PRKCQ: variants seen among roughly 807,000 people sequenced by gnomAD.
PRKCQ encodes the protein protein kinase C theta, also known as protein kinase C theta type.
Under a neutral mutation model 91.2 loss-of-function variants are expected in PRKCQ, and 41 were observed. That is an observed-to-expected ratio of 0.45 (90% confidence interval 0.35 to 0.58). PRKCQ has a LOEUF of 0.58. Ranked by LOEUF, PRKCQ falls within the 20% of genes least tolerant of loss-of-function variation. The pLI, the probability that PRKCQ is intolerant of heterozygous loss-of-function variation, is 0.00. For synonymous variants in PRKCQ, 307 were observed against 316.9 expected (o/e 0.97, Z 0.33); for missense variants, 673 against 896.5 (o/e 0.75, Z 3.18).
At chr10:6,510,928 G>A in intron 3 of PRKCQ, 67 bp downstream of exon 3, 1 of 1,582,820 alleles carries the variant, frequency 6.3e-7, no homozygotes, top group Non-Finnish European at 8.7e-7. Context: ...TGACATGGGA[G>A]TTCTGAGCCA....
intron 4 of PRKCQ, among the ~76,000 whole-genome samples, chr10:6,505,236 T>C (rs912405882): frequency 2.0e-5 from 3 of 152,184 alleles, no homozygotes; most frequent in African/African-American, 4.8e-5. Flanking sequence ...GTCATTATTG[T>C]TTACGGAATA....
At chr10:6,520,244 AT>A (rs1352805906) in intron 1 of PRKCQ, among the ~76,000 whole-genome samples, 1 of 152,018 alleles carries the variant, frequency 6.6e-6, no homozygotes, top group African/African-American at 2.4e-5. Context: ...CTTTTCCTTC[AT>A]TTTGCCAGCT....
Position 6,511,121 on chromosome 10 carries a change from G to T in PRKCQ, c.192C>A (p.Ile64=), listed in dbSNP as rs1452417661. The part of the protein sequence containing the change: ...PPWDSTFDAH[I]NKGRVMQIIV... ...TGATCTGCATGACTCTTCCCTTGTT[G>T]ATATGGGCATCAAAAGTGCTGTCCC... Residue 64 remains isoleucine, a synonymous_variant, in exon 3 of 18, where the codon ATC becomes ATA. Coordinates refer to ENST00000263125, the MANE Select transcript of PRKCQ (RefSeq NM_006257.5). The T allele has an allele frequency of 6.2e-7, 1 of 1,614,070 alleles. No homozygotes were observed. The highest frequency in any genetic ancestry group is 1.7e-5 in the Admixed American group (1 of 60,008).
chr10:6,573,168 A>G (rs1448562485), intron 1 of PRKCQ, among the ~76,000 whole-genome samples: 4 of 152,200 alleles, frequency 2.6e-5, no homozygotes, highest in African/African-American at 9.7e-5. Flanking sequence ...CACCCCCAAA[A>G]TTAATGTCAT....
At chr10:6,458,576 T>C (rs1378577112) in intron 14 of PRKCQ, among the ~76,000 whole-genome samples, 1 of 152,106 alleles carries the variant, frequency 6.6e-6, no homozygotes, top group Non-Finnish European at 1.5e-5. Context: ...GAGGCAAAGC[T>C]TTTCTATTTG....
At position 6,430,684 on chromosome 10, in the gene PRKCQ, G is replaced by A. The variant is rs1326900995; in HGVS notation, c.1965+126C>T. On this transcript the variant is annotated intron_variant, in intron 17 of 17. Transcript: ENST00000263125. The surrounding 1 kb of genome is among the most constrained non-coding windows in gnomAD (Gnocchi z 4.7). ...GTGTTAGAGACGTGCATTCCTCCTG[G>A]AGAGTGGGGCTGGTGGGGAGTTGGG... is the stretch of plus-strand genomic sequence containing the variant. The A allele has an allele frequency of 6.6e-6, 9 of 1,369,178 alleles. No homozygotes were observed. Among genetic ancestry groups the A allele is most frequent in the Non-Finnish European group, 9.0e-6 (9 of 998,134 alleles). 84.8% of individuals were successfully genotyped at this position (1,369,178 alleles called of 1,614,324 possible).
chr10:6,472,762 G>T (rs1836058718), intron 12 of PRKCQ, among the ~76,000 whole-genome samples: 1 of 152,048 alleles, frequency 6.6e-6, no homozygotes, highest in African/African-American at 2.4e-5. Flanking sequence ...GCCCATGCTG[G>T]AGTGCAGTGG....
chr10:6,462,233 TGCAATGATTAAATTA>T, intron 14 of PRKCQ, 55 bp downstream of exon 14: 1 of 1,407,122 alleles, frequency 7.1e-7, no homozygotes, highest in Non-Finnish European at 1.0e-6. Flanking sequence ...CAGCACTCGG[TGCAATGATTAAATTA>T]ACTGAGCCAG....
At chr10:6,559,521 G>A (rs1840543111) in intron 1 of PRKCQ, among the ~76,000 whole-genome samples, 1 of 152,120 alleles carries the variant, frequency 6.6e-6, no homozygotes, top group African/African-American at 2.4e-5. Context: ...ACCACACCCA[G>A]CTAATTTTTA....
At chr10:6,426,146 GC>G (rs1386288619), downstream of PRKCQ, among the ~76,000 whole-genome samples, 1 of 152,180 alleles carries the variant, frequency 6.6e-6, no homozygotes, top group Non-Finnish European at 1.5e-5. Context: ...ACCAGAAAGC[GC>G]TCTAGTGAGG....
intron 1 of PRKCQ, among the ~76,000 whole-genome samples, chr10:6,544,655 C>G (rs1027261518): frequency 6.9e-6 from 1 of 145,270 alleles, no homozygotes; most frequent in Non-Finnish European, 1.5e-5. Flanking sequence ...GAGTCTCTTT[C>G]TATCGCATAG....
At chr10:6,564,069 G>A (rs1414281715) in intron 1 of PRKCQ, among the ~76,000 whole-genome samples, 5 of 152,180 alleles carry the variant, frequency 3.3e-5, no homozygotes, top group African/African-American at 7.2e-5. Flanking sequence ...GGGGAGCTAC[G>A]AGGTGCTCAA....
In PRKCQ at chr10:6,550,974, T is replaced by A. The variant is rs183687867; in HGVS notation, c.-10+29237A>T. ...GATTATAATTTGTATTTGCTAATGGTAAGTAATGTTGAGCATCTTCTCTTT... is the reference window on the plus strand; with the variant it reads ...GATTATAATTTGTATTTGCTAATGGAAAGTAATGTTGAGCATCTTCTCTTT... On this transcript the variant is annotated intron_variant, in intron 1 of 17. Coordinates refer to ENST00000263125, the MANE Select transcript of PRKCQ (RefSeq NM_006257.5). Among the ~76,000 whole-genome samples, 8 of 152,354 alleles carry A rather than the reference T, an allele frequency of 5.3e-5. No individual in the cohort carries two copies. In the East Asian group the frequency reaches 1.5e-3, roughly 29 times the overall value.
intron 10 of PRKCQ, 56 bp from the exon 11 acceptor site, chr10:6,483,656 G>C: frequency 6.3e-7 from 1 of 1,582,038 alleles, no homozygotes; most frequent in Non-Finnish European, 8.6e-7. Context: ...GGTCATTCTA[G>C]TTACTGAGAG....
intron 1 of PRKCQ, among the ~76,000 whole-genome samples, chr10:6,545,083 C>T (rs575276432): frequency 2.4e-4 from 37 of 151,904 alleles, no homozygotes; most frequent in Middle Eastern, 3.4e-3. Flanking sequence ...TAATCTCTAA[C>T]TTGCTAAATA....
At chr10:6,426,217 T>A (rs1833117830), downstream of PRKCQ, among the ~76,000 whole-genome samples, 1 of 152,140 alleles carries the variant, frequency 6.6e-6, no homozygotes, top group Non-Finnish European at 1.5e-5. Flanking sequence ...TTAGATAGCG[T>A]CTTCACCGAC....
intron 11 of PRKCQ, 96 bp from the exon 12 acceptor site, chr10:6,479,261 GA>G: frequency 7.1e-7 from 1 of 1,417,728 alleles, no homozygotes; most frequent in South Asian, 1.3e-5. Context: ...TGTTGGGTGG[GA>G]AAAGGGGTTC....
chr10:6,563,767 G>GCTCTCT (rs1308398601), intron 1 of PRKCQ, among the ~76,000 whole-genome samples: 1 of 152,174 alleles, frequency 6.6e-6, no homozygotes, highest in Non-Finnish European at 1.5e-5. Flanking sequence ...TGCTATGTGT[G>GCTCTCT]GGACTCTCTG....
the PRKCQ span, among the ~76,000 whole-genome samples, chr10:6,416,175 G>A: frequency 6.6e-6 from 1 of 152,146 alleles, no homozygotes; most frequent in Non-Finnish European, 1.5e-5. Flanking sequence ...CATACAATGA[G>A]TGCAAAATAC....
Sources: allele counts gnomAD v4.1 joint callset (sites outside exome capture counted in the v4.1 genomes callset), GRCh38; gene constraint gnomAD v4.1.1; non-coding constraint Gnocchi (gnomAD v3.1); transcripts MANE v1.5; gene names NCBI Gene and HGNC (gene_info 2026-07-23, HGNC 2026-07-21).